DHX9: variants seen among roughly 807,000 people sequenced by gnomAD.
The protein encoded by DHX9 is ATP-dependent RNA helicase A.
DHX9 carries 27 observed loss-of-function variants against 148.7 expected under a neutral mutation model. The ratio of observed to expected loss-of-function variants is 0.18; its 90% confidence interval spans 0.13 to 0.25. DHX9 has a LOEUF of 0.25. DHX9 is among the 10% of genes least tolerant of loss of function. The pLI is 1.00. For missense variants in DHX9, 796 were observed against 1,559.6 expected, an observed-to-expected ratio of 0.51 and a Z score of 8.25; for synonymous variants, 529 against 516.6, an observed-to-expected ratio of 1.02 and a Z score of -0.33.
intron 27 of DHX9, 45 bp from the exon 28 acceptor site, chr1:182,887,038 T>G: frequency 1.3e-6 from 2 of 1,562,276 alleles, no homozygotes; most frequent in East Asian, 2.3e-5. Flanking sequence ...CGTTGGGAAA[T>G]AATAAGAATG....
At chr1:182,858,347 A>G in intron 8 of DHX9, 107 bp downstream of exon 8, 2 of 1,336,448 alleles carry the variant, frequency 1.5e-6, no homozygotes, top group African/African-American at 1.5e-5. Context: ...ACCTCAGGAA[A>G]TGAAAATGGC....
At position 182,867,436 on chromosome 1, in the gene DHX9, T is replaced by TC. The variant is rs536306224; in HGVS notation, c.1557+394dup. Among the ~76,000 whole-genome samples the TC allele has an allele frequency of 9.8e-5, 15 of 152,336 alleles. 1 individual carries two copies. In the South Asian group the frequency reaches 2.9e-3, roughly 29 times the overall value. On this transcript the variant is annotated intron_variant, in intron 14 of 27. Transcript: ENST00000367549. ...TTGTTTTTTTGAGACAGAGTCTTGC[T>TC]CTGTCACCCAGGCTGGAGTGCAGTG...
intron 12 of DHX9, among the ~76,000 whole-genome samples, chr1:182,861,466 C>T (rs1215914391): frequency 1.3e-5 from 2 of 152,178 alleles, no homozygotes; most frequent in Admixed American, 6.5e-5. Context: ...TTCAAGAGTG[C>T]AATTTTACAG....
intron 4 of DHX9, 146 bp downstream of exon 4, chr1:182,852,490 A>T: frequency 1.9e-6 from 1 of 530,780 alleles, no homozygotes; most frequent in Non-Finnish European, 3.3e-6. Flanking sequence ...ATTTGCACAT[A>T]TTACCAGATC....
Position 182,883,346 on chromosome 1 carries a change from C to T in DHX9, c.3122C>T (p.Pro1041Leu). The T allele has an allele frequency of 6.2e-7, 1 of 1,613,950 alleles. No individual in the cohort carries two copies. The highest frequency in any genetic ancestry group is 8.5e-7 in the Non-Finnish European group (1 of 1,179,838). Residue 1041 changes from proline (P) to leucine (L), a missense_variant, in exon 25 of 28, where the codon CCC becomes CTC. Physicochemically the swap from Pro to Leu is moderately conservative, Grantham distance 98. This residue lies in a region of DHX9 where 14 missense variants were observed against 87.5 expected (regional missense o/e 0.16). Transcript: ENST00000367549. The stretch of plus-strand genomic sequence containing the variant: ...AGCCAAGACATGAAGTACCCATCTC[C>T]CTTCTTTGTATTTGGTGAAAAGGTA... ...FSSQDMKYPS[P>L]FFVFGEKIRT...
chr1:182,881,171 T>C, intron 22 of DHX9, 93 bp from the exon 23 acceptor site: 1 of 1,303,360 alleles, frequency 7.7e-7, no homozygotes, highest in Non-Finnish European at 1.1e-6. Flanking sequence ...ATCATAGCCA[T>C]AAAGACTGCA....
At chr1:182,874,031 GTGT>G (rs1440897415) in intron 15 of DHX9, among the ~76,000 whole-genome samples, 1 of 152,198 alleles carries the variant, frequency 6.6e-6, no homozygotes, top group African/African-American at 2.4e-5. Flanking sequence ...CAAAATATTT[GTGT>G]GTCTATACTG....
rs560361405 is a variant in DHX9 at position 182,873,058 on chromosome 1, C to T, written c.1714+565C>T. Among the ~76,000 whole-genome samples the T allele has an allele frequency of 3.3e-5, 5 of 152,254 alleles. No individual in the cohort carries two copies. In the South Asian group the frequency reaches 6.2e-4, roughly 19 times the overall value. On this transcript the variant is annotated intron_variant, in intron 15 of 27. Coordinates refer to ENST00000367549, the MANE Select transcript of DHX9 (RefSeq NM_001357.5). ...GCAACCTCTGGCTCCCAGGCTCAAC[C>T]AGTCCTCCCATCTCAGCTTCCTGAG...
Position 182,859,084 on chromosome 1 carries a change from G to A in DHX9, c.1107G>A (p.Met369Ile). Reference sequence around the variant, plus strand: ...GCATGGACCTCAAGAATGAATTGATGTACCAGTTGGAACAGGATCATGATT... The same window carrying A: ...GCATGGACCTCAAGAATGAATTGATATACCAGTTGGAACAGGATCATGATT... ...QISMDLKNELMYQLEQDHDLQ... is the reference protein window; with the variant it reads ...QISMDLKNELIYQLEQDHDLQ... Residue 369 changes from methionine (M) to isoleucine (I), a missense_variant, in exon 11 of 28, where the codon ATG (methionine) becomes ATA (isoleucine). Physicochemically the swap from Met to Ile is conservative, Grantham distance 10. This residue lies in a region of DHX9 where 42 missense variants were observed against 27.1 expected (regional missense o/e 1.55). Transcript: ENST00000367549. 6.2e-7 allele frequency: 1 copy of A among 1,614,104 alleles called. No homozygotes were observed. The highest frequency in any genetic ancestry group is 1.1e-5 in the South Asian group (1 of 91,066).
intron 3 of DHX9, among the ~76,000 whole-genome samples, chr1:182,847,604 C>T (rs751826418): frequency 1.3e-5 from 2 of 152,202 alleles, no homozygotes; most frequent in Non-Finnish European, 2.9e-5. Context: ...CTCCTCCTCT[C>T]TGGCTGTTTC....
At chr1:182,884,387 CCTG>C (rs1335190552) in intron 26 of DHX9, among the ~76,000 whole-genome samples, 7 of 152,048 alleles carry the variant, frequency 4.6e-5, no homozygotes, top group African/African-American at 7.2e-5. Context: ...GCTTAAGACT[CCTG>C]CTCATAGCTA....
chr1:182,859,048 A>G lies in DHX9; in HGVS notation c.1071A>G (p.Pro357=), dbSNP rs368787874. 6.8e-6 allele frequency: 11 copies of G among 1,614,022 alleles called. No homozygotes were observed. Among genetic ancestry groups the G allele is most frequent in the Non-Finnish European group, 8.5e-6 (10 of 1,180,018 alleles). Residue 357 remains proline (P), a synonymous_variant, in exon 11 of 28, where the codon CCA becomes CCG. Coordinates refer to ENST00000367549, the MANE Select transcript of DHX9 (RefSeq NM_001357.5). Reference sequence around the variant, plus strand: ...GGCTTTTTGTTTTACAGGCTACTCCAGAGCAAATAAGCATGGACCTCAAGA... The same window carrying G: ...GGCTTTTTGTTTTACAGGCTACTCCGGAGCAAATAAGCATGGACCTCAAGA... ...IDEGPLAFAT[P]EQISMDLKNE...
intron 14 of DHX9, among the ~76,000 whole-genome samples, chr1:182,870,379 A>G (rs1648506588): frequency 6.6e-6 from 1 of 152,244 alleles, no homozygotes; most frequent in Non-Finnish European, 1.5e-5. Context: ...AGAGCAGAAT[A>G]GAGAATCTTG....
At position 182,876,145 on chromosome 1, in the gene DHX9, C is replaced by T. The variant is rs771546846; in HGVS notation, c.1911C>T (p.Ile637=). The T allele has an allele frequency of 2.4e-5, 38 of 1,613,816 alleles. 1 individual carries two copies. In the African/African-American group the frequency reaches 2.4e-4, roughly 10 times the overall value. Reference sequence around the variant, plus strand: ...AAAAGGAAACTCCTTTTGAACTCATCGAGGCTCTACTTAAGTACATTGAAA... The same window carrying T: ...AAAAGGAAACTCCTTTTGAACTCATTGAGGCTCTACTTAAGTACATTGAAA... ...LNEKETPFEL[I]EALLKYIETL... is the part of the protein sequence containing the mutation. The change falls in exon 17 of 28, where the codon ATC becomes ATT. Residue 637 remains isoleucine, a synonymous_variant. Coordinates refer to ENST00000367549, the MANE Select transcript of DHX9 (RefSeq NM_001357.5).
At chr1:182,846,894 C>CTTTTTTTTTTTTT (rs914500086) in intron 3 of DHX9, among the ~76,000 whole-genome samples, 1 of 148,300 alleles carries the variant, frequency 6.7e-6, no homozygotes, top group Non-Finnish European at 1.5e-5. Flanking sequence ...CTGAGGCTCT[C>CTTTTTTTTTTTTT]TTTTTTTTTT....
chr1:182,866,890 A>G (rs1432513736), intron 13 of DHX9, 71 bp from the exon 14 acceptor site: 3 of 1,183,768 alleles, frequency 2.5e-6, no homozygotes, highest in African/African-American at 3.1e-5. Flanking sequence ...CTTAGTTGAA[A>G]TATAGATAAT....
chr1:182,867,359 C>T (rs1351852178), intron 14 of DHX9, among the ~76,000 whole-genome samples: 1 of 151,964 alleles, frequency 6.6e-6, no homozygotes, highest in Non-Finnish European at 1.5e-5. Context: ...TTTTATGATT[C>T]GTTTTTCTTT....
rs1484712927 is a variant in DHX9, at chr1:182,877,809, A to C, written c.2199-212A>C. ...TTTGGCCAAGGCAGTTCAGCTGATA[A>C]GTGGCAAGTGGATGTTACATTGCCT... On this transcript the variant is annotated intron_variant, in intron 19 of 27. Transcript: ENST00000367549. 38 of 547,222 alleles carry C rather than the reference A, an allele frequency of 6.9e-5. No individual in the cohort carries two copies. In the South Asian group the frequency reaches 7.6e-4, roughly 11 times the overall value. The allele number at this position is 547,222 out of a possible 1,614,324, so 33.9% of individuals were successfully genotyped here.
intron 13 of DHX9, 87 bp downstream of exon 13, chr1:182,866,672 A>G (rs1648310274): frequency 2.8e-6 from 4 of 1,436,892 alleles, no homozygotes; most frequent in Admixed American, 2.2e-5. Context: ...ACTGGAAAGA[A>G]ATAATGAGCC....
Sources: allele counts gnomAD v4.1 joint callset (sites outside exome capture counted in the v4.1 genomes callset), GRCh38; gene constraint gnomAD v4.1.1; regional missense constraint gnomAD v4.1.1; transcripts MANE v1.5; gene names NCBI Gene and HGNC (gene_info 2026-07-23, HGNC 2026-07-21).